UBE3D: variants seen among roughly 807,000 people sequenced by gnomAD.
UBE3D encodes the protein ubiquitin protein ligase E3D.
A neutral mutation model predicts 49.6 loss-of-function variants in UBE3D; 48 were observed. The observed-to-expected ratio is 0.97, with a 90% confidence interval of 0.77 to 1.23. The LOEUF (loss-of-function observed/expected upper bound fraction) is 1.23, where lower values mean the gene tolerates loss of function less well. UBE3D is among the 50% of genes most tolerant of loss of function. The pLI, the probability that UBE3D is intolerant of heterozygous loss-of-function variation, is 0.00. For synonymous variants in UBE3D, 189 were observed against 174.2 expected (o/e 1.08, Z -0.67); for missense variants, 452 against 468.4 (o/e 0.96, Z 0.32).
intron 9 of UBE3D, among the ~76,000 whole-genome samples, chr6:82,914,734 G>A (rs916369254): frequency 6.6e-6 from 1 of 152,138 alleles, no homozygotes; most frequent in African/African-American, 2.4e-5. Flanking sequence ...ATTCTGCAAA[G>A]AGCCCCTTAT....
At chr6:82,881,309 T>C in the UBE3D span, among the ~76,000 whole-genome samples, 1 of 152,092 alleles carries the variant, frequency 6.6e-6, no homozygotes, top group African/African-American at 2.4e-5. Context: ...TTTGGTAAGT[T>C]GGTAGTTGTG....
intron 9 of UBE3D, among the ~76,000 whole-genome samples, chr6:82,908,149 G>A (rs1003546008): frequency 1.3e-5 from 2 of 152,172 alleles, no homozygotes; most frequent in Admixed American, 1.3e-4. Context: ...ATGAATCTAA[G>A]ATGATAGAAA....
chr6:83,025,349 T>G (rs1781377581), intron 5 of UBE3D, among the ~76,000 whole-genome samples: 1 of 152,082 alleles, frequency 6.6e-6, no homozygotes, highest in South Asian at 2.1e-4. Flanking sequence ...TAGACATAAA[T>G]GTAAACACAA....
chr6:82,951,931 C>A (rs775672022), intron 9 of UBE3D, among the ~76,000 whole-genome samples: 15 of 152,250 alleles, frequency 9.9e-5, no homozygotes, highest in Admixed American at 9.8e-4. Flanking sequence ...ACATAAGGGT[C>A]TTTAGAGATA....
intron 9 of UBE3D, among the ~76,000 whole-genome samples, chr6:82,932,191 A>G (rs293511): frequency 0.83 from 126,790 of 152,018 alleles, 53,189 homozygotes; most frequent in East Asian, 0.94. Flanking sequence ...ACCTACTCTC[A>G]GGTATGTCTT....
intron 8 of UBE3D, among the ~76,000 whole-genome samples, chr6:82,985,880 T>C (rs1473340457): frequency 3.9e-5 from 6 of 152,192 alleles, no homozygotes; most frequent in Non-Finnish European, 7.3e-5. Flanking sequence ...GGTTTGTCTA[T>C]TCATGGGTCA....
chr6:83,057,695 G>A, intron 2 of UBE3D, 131 bp downstream of exon 2: 2 of 812,320 alleles, frequency 2.5e-6, no homozygotes, highest in African/African-American at 1.7e-5. Flanking sequence ...CCAATAACTG[G>A]CAGAGCTGAC....
At chr6:82,941,548 C>A (rs1451083383) in intron 9 of UBE3D, among the ~76,000 whole-genome samples, 1 of 152,034 alleles carries the variant, frequency 6.6e-6, no homozygotes, top group Non-Finnish European at 1.5e-5. Flanking sequence ...TTCTAGGAGC[C>A]CCTATAAGTT....
intron 8 of UBE3D, among the ~76,000 whole-genome samples, chr6:83,011,398 G>GT (rs945319122): frequency 6.6e-6 from 1 of 152,128 alleles, no homozygotes; most frequent in Admixed American, 6.6e-5. Flanking sequence ...GCAGGTTGTG[G>GT]TTTTTTTCCT....
the UBE3D span, among the ~76,000 whole-genome samples, chr6:82,885,441 G>A: frequency 1.3e-5 from 2 of 152,178 alleles, no homozygotes; most frequent in Admixed American, 6.6e-5. Context: ...TGCACACTGT[G>A]TGCCAGGTGC....
At chr6:82,951,062 A>G (rs1176158777) in intron 9 of UBE3D, among the ~76,000 whole-genome samples, 2 of 152,194 alleles carry the variant, frequency 1.3e-5, no homozygotes, top group Non-Finnish European at 2.9e-5. Context: ...GACTATAGTA[A>G]AGAGTAATTT....
chr6:83,029,440 C>A (rs576806349), intron 5 of UBE3D, among the ~76,000 whole-genome samples: 4 of 152,062 alleles, frequency 2.6e-5, no homozygotes, highest in Admixed American at 1.3e-4. Context: ...CTAGAATTAC[C>A]AAATTATTTT....
At chr6:82,987,282 G>A (rs1001785535) in intron 8 of UBE3D, among the ~76,000 whole-genome samples, 2 of 152,072 alleles carry the variant, frequency 1.3e-5, no homozygotes, top group Non-Finnish European at 2.9e-5. Context: ...TTGAAGTGCT[G>A]GGATTAAAGG....
In UBE3D at chr6:82,896,960, C is replaced by T. The variant is rs1000790706; in HGVS notation, c.1150-3918G>A. Among the ~76,000 whole-genome samples the T allele has an allele frequency of 2.6e-5, 4 of 151,788 alleles. No individual in the cohort carries two copies. The East Asian group carries it at 5.9e-4, about 22-fold the overall frequency. On this transcript the variant is annotated intron_variant, in intron 9 of 9. Coordinates refer to ENST00000369747, the MANE Select transcript of UBE3D (RefSeq NM_198920.3). ...TTCACCATGTTGGTCAGGCTGGTCT[C>T]GAACTCCTGACCTTGTGATCCACCC...
chr6:82,997,369 G>A (rs1256516571), intron 8 of UBE3D, among the ~76,000 whole-genome samples: 3 of 152,050 alleles, frequency 2.0e-5, no homozygotes, highest in Non-Finnish European at 4.4e-5. Context: ...GACATAATGG[G>A]GTGAAAAATA....
chr6:83,030,519 A>G (rs1180895092), intron 5 of UBE3D, among the ~76,000 whole-genome samples: 1 of 152,180 alleles, frequency 6.6e-6, no homozygotes, highest in Non-Finnish European at 1.5e-5. Context: ...CTGTGGGTCC[A>G]TTAAACCTCT....
chr6:83,005,933 A>G (rs1582616410), intron 8 of UBE3D, among the ~76,000 whole-genome samples: 3 of 152,164 alleles, frequency 2.0e-5, no homozygotes, highest in Admixed American at 6.5e-5. Flanking sequence ...ATCAAAAAGT[A>G]GTCAATGTTG....
intron 9 of UBE3D, among the ~76,000 whole-genome samples, chr6:82,901,593 G>A (rs1448320089): frequency 1.3e-5 from 2 of 152,138 alleles, no homozygotes; most frequent in Non-Finnish European, 2.9e-5. Context: ...AACCATCCTC[G>A]AGAAGGGAAT....
chr6:82,982,182 CCCACCCAATACTCTCAA>C (rs1778159070), intron 8 of UBE3D, among the ~76,000 whole-genome samples: 2 of 152,168 alleles, frequency 1.3e-5, no homozygotes, highest in African/African-American at 4.8e-5. Flanking sequence ...CAGCTATATT[CCCACCCAATACTCTCAA>C]CCCCTGGATC....
Sources: allele counts gnomAD v4.1 joint callset (sites outside exome capture counted in the v4.1 genomes callset), GRCh38; gene constraint gnomAD v4.1.1; transcripts MANE v1.5; gene names NCBI Gene and HGNC (gene_info 2026-07-23, HGNC 2026-07-21).